RETREG3: variants seen among roughly 807,000 people sequenced by gnomAD.
RETREG3 encodes the protein reticulophagy regulator family member 3.
Under a neutral mutation model 50.2 loss-of-function variants are expected in RETREG3, and 23 were observed. The ratio of observed to expected loss-of-function variants is 0.46; its 90% CI spans 0.33 to 0.65. The LOEUF is 0.65. Ranked by LOEUF, RETREG3 falls within the 30% of genes least tolerant of loss-of-function variation. The pLI, the probability that RETREG3 is intolerant of heterozygous loss-of-function variation, is 0.02. For missense variants in RETREG3, 546 were observed against 598.0 expected, an observed-to-expected ratio of 0.91 and a Z score of 0.91; for synonymous variants, 240 against 234.4, an observed-to-expected ratio of 1.02 and a Z score of -0.22.
chr17:42,583,279 T>C (rs1487838061), intron 7 of RETREG3, among the ~76,000 whole-genome samples: 2 of 152,064 alleles, frequency 1.3e-5, no homozygotes, highest in East Asian at 3.9e-4. Flanking sequence ...AGAGCGGTGC[T>C]GGGCATCAGG....
chr17:42,584,760 G>A (rs1049903958), intron 6 of RETREG3, among the ~76,000 whole-genome samples: 1 of 145,410 alleles, frequency 6.9e-6, no homozygotes, highest in South Asian at 2.2e-4. Flanking sequence ...AGGGTGCAGT[G>A]AGCCATGATC....
intron 8 of RETREG3, 113 bp from the exon 9 acceptor site, chr17:42,582,383 T>C (rs2093111343): frequency 1.9e-6 from 2 of 1,048,054 alleles, no homozygotes; most frequent in African/African-American, 1.6e-5. Context: ...AATAAACCCA[T>C]GGGACTGGTA....
chr17:42,593,012 G>A (rs2093136173), intron 1 of RETREG3, among the ~76,000 whole-genome samples: 1 of 151,902 alleles, frequency 6.6e-6, no homozygotes, highest in Non-Finnish European at 1.5e-5. Flanking sequence ...ATAAAAGCAA[G>A]TTCTCCAGAA....
chr17:42,605,553 T>C (rs1398710970), intron 1 of RETREG3, among the ~76,000 whole-genome samples: 1 of 152,184 alleles, frequency 6.6e-6, no homozygotes, highest in Non-Finnish European at 1.5e-5. Context: ...TCTAATTACC[T>C]ACCAAGGAAG....
intron 1 of RETREG3, 65 bp from the exon 2 acceptor site, chr17:42,592,227 C>T (rs1597736542): frequency 1.7e-5 from 23 of 1,354,008 alleles, no homozygotes; most frequent in African/African-American, 4.3e-5. Flanking sequence ...GAAAAGGCCA[C>T]GTGTGTACGA....
intron 7 of RETREG3, among the ~76,000 whole-genome samples, chr17:42,583,128 T>C (rs1396174720): frequency 6.6e-6 from 1 of 152,126 alleles, no homozygotes; most frequent in East Asian, 1.9e-4. Flanking sequence ...TTAAGGCAAA[T>C]AATTGATCCA....
At chr17:42,602,874 T>C (rs1597742872) in intron 1 of RETREG3, among the ~76,000 whole-genome samples, 1 of 151,896 alleles carries the variant, frequency 6.6e-6, no homozygotes, top group Non-Finnish European at 1.5e-5. Context: ...AGCCCAGAGG[T>C]TGAGGTTGCA....
At chr17:42,594,279 G>A (rs1222981657) in intron 1 of RETREG3, among the ~76,000 whole-genome samples, 1 of 152,222 alleles carries the variant, frequency 6.6e-6, no homozygotes, top group East Asian at 1.9e-4. Flanking sequence ...GAAAAGACTA[G>A]GCATGGTGGC....
At chr17:42,599,078 T>G (rs1198366624) in intron 1 of RETREG3, 1 of 152,186 alleles carries the variant, frequency 6.6e-6, no homozygotes, top group Non-Finnish European at 1.5e-5. Flanking sequence ...GCCAACAGTC[T>G]GGCAAGCCTC....
intron 2 of RETREG3, among the ~76,000 whole-genome samples, chr17:42,588,344 C>T (rs2093125371): frequency 6.6e-6 from 1 of 152,118 alleles, no homozygotes; most frequent in South Asian, 2.1e-4. Flanking sequence ...GCAAGCTCCG[C>T]CTCCCATTCT....
At chr17:42,587,897 G>C (rs2093124347) in intron 2 of RETREG3, 33 bp from the exon 3 acceptor site, 1 of 1,613,456 alleles carries the variant, frequency 6.2e-7, no homozygotes, top group South Asian at 1.1e-5. Flanking sequence ...AGCATTAGTT[G>C]GTAGGGAAAA....
rs1249783018 is a variant in RETREG3, at chr17:42,580,596, G to A, written c.*1217C>T. The A allele has an allele frequency of 6.5e-6, 1 of 152,718 alleles. No homozygotes were observed. Among genetic ancestry groups the A allele is most frequent in the Non-Finnish European group, 1.5e-5 (1 of 68,044 alleles). 9.5% of individuals were successfully genotyped at this position (152,718 alleles called of 1,614,324 possible). The stretch of plus-strand genomic sequence containing the variant: ...CCCCCTGGGCCAAGGTAATGTAGAA[G>A]AGGCCCATCCCCACATCATATTCAC... On this transcript the variant is annotated 3_prime_UTR_variant, in exon 9 of 9. Coordinates refer to ENST00000309428, the MANE Select transcript of RETREG3 (RefSeq NM_178126.4).
At chr17:42,596,207 TAA>T (rs759156702) in intron 1 of RETREG3, among the ~76,000 whole-genome samples, 2 of 139,608 alleles carry the variant, frequency 1.4e-5, no homozygotes, top group Non-Finnish European at 3.1e-5. Flanking sequence ...TGTCTCTATT[TAA>T]AAAAAAAAAA....
intron 1 of RETREG3, among the ~76,000 whole-genome samples, chr17:42,597,611 ATATATATATTTTT>A (rs1261481340): frequency 2.2e-3 from 75 of 34,192 alleles, no homozygotes; most frequent in East Asian, 3.8e-3. Context: ...ATATATATAT[ATATATATATTTTT>A]TTTTTTTTTT....
At chr17:42,594,787 C>G (rs1287857485) in intron 1 of RETREG3, among the ~76,000 whole-genome samples, 5 of 150,202 alleles carry the variant, frequency 3.3e-5, no homozygotes, top group East Asian at 2.0e-4. Flanking sequence ...CGAGGCGGAG[C>G]TTGCAGTGAG....
At chr17:42,594,373 T>G (rs940814339) in intron 1 of RETREG3, among the ~76,000 whole-genome samples, 12 of 152,076 alleles carry the variant, frequency 7.9e-5, no homozygotes, top group African/African-American at 2.9e-4. Flanking sequence ...CTGGACAACA[T>G]GGCGAAACCC....
At chr17:42,605,513 G>C (rs769748076) in intron 1 of RETREG3, among the ~76,000 whole-genome samples, 1 of 152,074 alleles carries the variant, frequency 6.6e-6, no homozygotes, top group African/African-American at 2.4e-5. Context: ...GACACTACTA[G>C]AATGTGAAGC....
chr17:42,593,604 C>T (rs1463771675), intron 1 of RETREG3, among the ~76,000 whole-genome samples: 1 of 147,024 alleles, frequency 6.8e-6, no homozygotes, highest in Non-Finnish European at 1.5e-5. Flanking sequence ...GCCAAGATCG[C>T]GCCACTGCAC....
In RETREG3 at chr17:42,581,941, T is replaced by C. The variant is rs766367709; in HGVS notation, c.1273A>G (p.Arg425Gly). The C allele has an allele frequency of 4.3e-6, 7 of 1,614,120 alleles. No homozygotes were observed. In the East Asian group the frequency reaches 1.6e-4, roughly 36 times the overall value. Residue 425 changes from arginine to glycine, a missense_variant, in exon 9 of 9, where the codon AGA (arginine) becomes GGA (glycine). Coordinates refer to ENST00000309428, the MANE Select transcript of RETREG3 (RefSeq NM_178126.4). ...GACCGGAGGAAGCCTCTCGTTGCTC[T>C]CTGGGCAGGTGCTCCAGAAGGGCCT... ...QPGPSGAPAQ[R>G]ATRGFLRSPS...
Sources: allele counts gnomAD v4.1 joint callset (sites outside exome capture counted in the v4.1 genomes callset), GRCh38; gene constraint gnomAD v4.1.1; transcripts MANE v1.5; gene names NCBI Gene and HGNC (gene_info 2026-07-23, HGNC 2026-07-21).